Variants in PAICS observed in about 807,000 individuals in gnomAD.
PAICS encodes the protein bifunctional phosphoribosylaminoimidazole carboxylase/phosphoribosylaminoimidazole succinocarboxamide synthetase.
PAICS carries 33 observed loss-of-function variants against 53.7 expected under a neutral mutation model. The observed-to-expected ratio is 0.61, with a 90% confidence interval of 0.47 to 0.82. PAICS has a LOEUF of 0.82. Ranked by LOEUF, PAICS falls within the 40% of genes least tolerant of loss-of-function variation. The pLI is 0.00. For synonymous variants in PAICS, 141 were observed against 167.2 expected (o/e 0.84, Z 1.21); for missense variants, 394 against 494.1 (o/e 0.80, Z 1.92).
the PAICS span, among the ~76,000 whole-genome samples, chr4:56,413,905 ATAAAT>A: frequency 6.6e-6 from 1 of 152,220 alleles, no homozygotes; most frequent in Non-Finnish European, 1.5e-5. Context: ...CTCAAAATAA[ATAAAT>A]TAAATAAATA....
Position 56,448,444 on chromosome 4 carries a change from G to T in PAICS, c.420G>T (p.Trp140Cys), listed in dbSNP as rs1196934647. The T allele has an allele frequency of 6.2e-7, 1 of 1,608,372 alleles. No individual in the cohort carries two copies. Among genetic ancestry groups the T allele is most frequent in the African/African-American group, 1.3e-5 (1 of 74,926 alleles). ...ATGATGCCAATAATGACCCACAGTG[G>T]TCTGAGGAACAGCTGATTGCTGCAA... ...FKDDANNDPQ[W>C]SEEQLIAAKF... Residue 140 changes from tryptophan to cysteine, a missense_variant, in exon 4 of 9, where the codon TGG becomes TGT. By Grantham distance (215) the Trp-to-Cys change is radical. Transcript: ENST00000512576.
At chr4:56,432,380 T>G (rs1717632650), upstream of PAICS, among the ~76,000 whole-genome samples, 1 of 151,788 alleles carries the variant, frequency 6.6e-6, no homozygotes, top group African/African-American at 2.4e-5. Context: ...ATACAAAAAT[T>G]ACCTGAGTGT....
intron 8 of PAICS, among the ~76,000 whole-genome samples, chr4:56,455,333 A>G (rs971583831): frequency 5.9e-5 from 9 of 152,146 alleles, no homozygotes; most frequent in Non-Finnish European, 1.0e-4. Context: ...AAAATCCCTA[A>G]CTTTTCTCAT....
At chr4:56,439,763 T>C (rs1202363709) in intron 1 of PAICS, among the ~76,000 whole-genome samples, 1 of 152,136 alleles carries the variant, frequency 6.6e-6, no homozygotes, top group African/African-American at 2.4e-5. Context: ...TAGCTGAGAC[T>C]ACAGGCATGC....
intron 2 of PAICS, among the ~76,000 whole-genome samples, chr4:56,443,496 CG>C (rs1254366973): frequency 5.3e-5 from 8 of 152,044 alleles, no homozygotes; most frequent in Non-Finnish European, 8.8e-5. Context: ...CCTGTTCCAT[CG>C]ATTTTTTTTT....
upstream of PAICS, chr4:56,436,237 C>T (rs570846311): frequency 3.9e-6 from 6 of 1,547,382 alleles, 1 homozygote; most frequent in South Asian, 6.0e-5. Context: ...CCCAGCGAAG[C>T]TCTCTGACCA....
At chr4:56,442,130 C>T in intron 2 of PAICS, 1 of 304,148 alleles carries the variant, frequency 3.3e-6, no homozygotes, top group Non-Finnish European at 6.0e-6. Flanking sequence ...CTCTCCAAGG[C>T]CATCTTCACT....
chr4:56,418,440 C>T, the PAICS span, among the ~76,000 whole-genome samples: 1 of 152,148 alleles, frequency 6.6e-6, no homozygotes, highest in Non-Finnish European at 1.5e-5. Flanking sequence ...CCACCTCAGC[C>T]TCCCAAATAC....
At chr4:56,427,742 G>C in the PAICS span, among the ~76,000 whole-genome samples, 3 of 152,000 alleles carry the variant, frequency 2.0e-5, no homozygotes, top group Non-Finnish European at 2.9e-5. Context: ...AAGCATTGTG[G>C]AGTATGCCTT....
At chr4:56,410,861 A>C in the PAICS span, 7 of 978,680 alleles carry the variant, frequency 7.2e-6, no homozygotes, top group Non-Finnish European at 8.5e-6. Flanking sequence ...GTACCTGGAA[A>C]CGCTCAGCCC....
At chr4:56,435,981 C>T, upstream of PAICS, 1 of 1,518,230 alleles carries the variant, frequency 6.6e-7, no homozygotes, top group Non-Finnish European at 8.9e-7. Context: ...CCGGGGTATG[C>T]GAGCTTCCGC....
chr4:56,456,160 C>T (rs977971404), intron 8 of PAICS, among the ~76,000 whole-genome samples: 1 of 152,108 alleles, frequency 6.6e-6, no homozygotes, highest in African/African-American at 2.4e-5. Flanking sequence ...GGCGCAATCT[C>T]AGCTTACTGC....
the PAICS span, among the ~76,000 whole-genome samples, chr4:56,428,708 C>G: frequency 6.6e-6 from 1 of 152,094 alleles, no homozygotes; most frequent in East Asian, 1.9e-4. Context: ...AATCCTTACA[C>G]TATTGTATGC....
At chr4:56,440,726 T>G (rs1282398777) in intron 1 of PAICS, among the ~76,000 whole-genome samples, 1 of 152,218 alleles carries the variant, frequency 6.6e-6, no homozygotes, top group Non-Finnish European at 1.5e-5. Context: ...ATTCTATTAT[T>G]ATGATGTCTT....
chr4:56,450,852 C>A, intron 6 of PAICS, 150 bp downstream of exon 6: 2 of 565,596 alleles, frequency 3.5e-6, no homozygotes, highest in East Asian at 3.1e-5. Context: ...GAGTCTTGCT[C>A]TGTCGCCCAG....
chr4:56,436,255 T>G, upstream of PAICS: 1 of 1,569,398 alleles, frequency 6.4e-7, no homozygotes, highest in Non-Finnish European at 8.6e-7. Flanking sequence ...CCACCCCTCT[T>G]TTCTAGAGTT....
chr4:56,449,246 C>T (rs28728250), intron 5 of PAICS, among the ~76,000 whole-genome samples: 1 of 152,094 alleles, frequency 6.6e-6, no homozygotes, highest in African/African-American at 2.4e-5. Flanking sequence ...GACATTTATG[C>T]AGCCAACAAA....
At chr4:56,428,777 C>T in the PAICS span, among the ~76,000 whole-genome samples, 1 of 152,116 alleles carries the variant, frequency 6.6e-6, no homozygotes, top group Non-Finnish European at 1.5e-5. Flanking sequence ...AGAGTTTCAA[C>T]TTTTTTCTAA....
chr4:56,419,257 G>C, the PAICS span, among the ~76,000 whole-genome samples: 70 of 152,212 alleles, frequency 4.6e-4, no homozygotes, highest in African/African-American at 1.7e-3. Context: ...ATTTTCTTAA[G>C]TAATTACTGT....
Sources: allele counts gnomAD v4.1 joint callset (sites outside exome capture counted in the v4.1 genomes callset), GRCh38; gene constraint gnomAD v4.1.1; transcripts MANE v1.5; gene names NCBI Gene and HGNC (gene_info 2026-07-23, HGNC 2026-07-21).